RBM19: variants seen among roughly 807,000 people sequenced by gnomAD.
RBM19 encodes RNA binding motif protein 19.
In RBM19, 94 loss-of-function variants were observed where a neutral mutation model predicts 116.8. That is an observed-to-expected ratio of 0.80 (90% CI 0.68 to 0.95). RBM19 has a LOEUF of 0.95. Ranked by LOEUF, RBM19 falls within the 40% of genes least tolerant of loss-of-function variation. RBM19 has a pLI of 0.00. For synonymous variants in RBM19, 475 were observed against 494.1 expected (o/e 0.96, Z 0.51); for missense variants, 1,161 against 1,220.7 (o/e 0.95, Z 0.73).
intron 23 of RBM19, among the ~76,000 whole-genome samples, chr12:113,826,224 T>C (rs1048685701): frequency 5.9e-5 from 9 of 152,214 alleles, no homozygotes; most frequent in African/African-American, 2.2e-4. Flanking sequence ...TCCTGTCCAC[T>C]TCCCCCACAG....
At chr12:113,915,176 C>G in intron 20 of RBM19, 91 bp from the exon 21 acceptor site, 1 of 1,059,282 alleles carries the variant, frequency 9.4e-7, no homozygotes, top group South Asian at 1.3e-5. Flanking sequence ...TCAGAATATT[C>G]AGGTGATGGA....
chr12:113,818,793 TCCC>T (rs1874230192), downstream of RBM19, among the ~76,000 whole-genome samples: 1 of 152,096 alleles, frequency 6.6e-6, no homozygotes, highest in Non-Finnish European at 1.5e-5. Flanking sequence ...CCTCCTCCCG[TCCC>T]CACTGTCTCT....
chr12:113,928,305 C>T (rs1869291419), intron 16 of RBM19, among the ~76,000 whole-genome samples: 1 of 151,968 alleles, frequency 6.6e-6, no homozygotes, highest in South Asian at 2.1e-4. Flanking sequence ...CCACTGCACT[C>T]CAGCCTGGGT....
At chr12:113,892,344 T>C (rs1002753024) in intron 21 of RBM19, among the ~76,000 whole-genome samples, 3 of 152,052 alleles carry the variant, frequency 2.0e-5, no homozygotes, top group Non-Finnish European at 2.9e-5. Flanking sequence ...TCCAGAGGCA[T>C]AGGAAAAAAT....
chr12:113,952,385 A>G (rs1871543895), intron 8 of RBM19, 127 bp downstream of exon 8: 1 of 826,366 alleles, frequency 1.2e-6, no homozygotes, highest in African/African-American at 1.7e-5. Flanking sequence ...GACCACATCC[A>G]CACAACTGAG....
rs561043371 is a variant in RBM19 at position 113,894,908 on chromosome 12, G to A, written c.2558+20061C>T. Among the ~76,000 whole-genome samples the A allele has an allele frequency of 2.0e-5, 3 of 152,258 alleles. No homozygotes were observed. The East Asian group carries it at 5.8e-4, about 30-fold the overall frequency. ...TGCCTGACCATTTTGATATTGGACA[G>A]GGGCTGTCCTTCACCTGAGCAAAGC... On this transcript the variant is annotated intron_variant, in intron 21 of 23. Coordinates refer to ENST00000261741, the MANE Select transcript of RBM19 (RefSeq NM_016196.4).
At chr12:113,927,758 A>G (rs1032218292) in intron 16 of RBM19, among the ~76,000 whole-genome samples, 13 of 152,170 alleles carry the variant, frequency 8.5e-5, no homozygotes, top group African/African-American at 3.1e-4. Flanking sequence ...CCTCATATGC[A>G]TTACTTCAGG....
Position 113,920,626 on chromosome 12 carries a change from AG to A in RBM19, c.2369del (p.Ala790ValfsTer17). The A allele has an allele frequency of 1.2e-6, 2 of 1,614,022 alleles. No individual in the cohort carries two copies. The highest frequency in any genetic ancestry group is 1.7e-6 in the Non-Finnish European group (2 of 1,179,958). On this transcript the variant is annotated frameshift_variant, in exon 19 of 24. Transcript: ENST00000261741. LOFTEE classifies it high-confidence loss of function. ...TTCACTTTACCTGGAGCTGCTTGAG[AG>A]CTTTCTGGGCTTGCTCCGGCTTCCT... is the stretch of plus-strand genomic sequence containing the variant. ...EYRKPEQAQK[A>X]LKQLQGHVVD... is the part of the protein sequence containing the mutation.
chr12:113,862,304 A>G (rs1004558056), intron 21 of RBM19, among the ~76,000 whole-genome samples: 3 of 152,270 alleles, frequency 2.0e-5, no homozygotes, highest in East Asian at 3.9e-4. Flanking sequence ...GGAACTCAAA[A>G]TCGAGGCGAG....
At chr12:113,910,955 C>A (rs184960335) in intron 21 of RBM19, among the ~76,000 whole-genome samples, 1 of 152,102 alleles carries the variant, frequency 6.6e-6, no homozygotes, top group East Asian at 1.9e-4. Flanking sequence ...CTGCCCTGGG[C>A]ACTTCCTGGT....
chr12:113,872,573 G>A (rs1409942900), intron 21 of RBM19, among the ~76,000 whole-genome samples: 2 of 123,800 alleles, frequency 1.6e-5, no homozygotes, highest in Non-Finnish European at 3.6e-5. Flanking sequence ...GGGAGGTGGG[G>A]GGGGGTCAGC....
intron 6 of RBM19, among the ~76,000 whole-genome samples, chr12:113,957,358 T>C (rs1056824481): frequency 1.3e-5 from 2 of 152,090 alleles, no homozygotes; most frequent in Non-Finnish European, 2.9e-5. Flanking sequence ...AGTGGATCAC[T>C]TGAGGTCAGG....
At chr12:113,889,117 C>T (rs1880756450) in intron 21 of RBM19, among the ~76,000 whole-genome samples, 1 of 152,108 alleles carries the variant, frequency 6.6e-6, no homozygotes, top group South Asian at 2.1e-4. Flanking sequence ...TCCCTCTGGT[C>T]CTTTCCCTAC....
chr12:113,959,236 C>T lies in RBM19; in HGVS notation c.547G>A (p.Glu183Lys), dbSNP rs1414361544. The change falls in exon 5 of 24, where the codon GAG (glutamate) becomes AAG (lysine). Residue 183 changes from glutamate (E) to lysine (K), a missense_variant. By Grantham distance (56) the Glu-to-Lys change is moderately conservative. Transcript: ENST00000261741. ...CCTTCCAGGTCCTCCCCGGCTCCCT[C>T]CTCCTCACTCTCCTGCCCAGAATCG... The part of the protein sequence containing the change: ...DSDSGQESEE[E>K]GAGEDLEEEA... The T allele has an allele frequency of 3.3e-5, 53 of 1,612,368 alleles. No individual in the cohort carries two copies. The highest frequency in any genetic ancestry group is 4.5e-5 in the Non-Finnish European group (53 of 1,179,490).
rs1333496128 is a variant in RBM19, at chr12:113,872,510, G to A, written c.2559-13614C>T. On this transcript the variant is annotated intron_variant, in intron 21 of 23. Transcript: ENST00000261741. ...CTCTGCCCGGCCAGCCGCCCCATCC[G>A]GGAGGGAGGTGGGGGTGTCGGCCCC... Among the ~76,000 whole-genome samples, 24 of 128,848 alleles carry A rather than the reference G, an allele frequency of 1.9e-4. 2 individuals carry two copies. Among genetic ancestry groups the A allele is most frequent in the East Asian group, 3.9e-4 (1 of 2,570 alleles). 84.5% of individuals were successfully genotyped at this position (128,848 alleles called of 152,430 possible).
chr12:113,923,966 C>T (rs1438335824), intron 18 of RBM19, among the ~76,000 whole-genome samples: 1 of 152,234 alleles, frequency 6.6e-6, no homozygotes, highest in East Asian at 1.9e-4. Context: ...ACTTTGCATG[C>T]AGTAGGTGCT....
downstream of RBM19, chr12:113,817,271 G>A (rs1330232061): frequency 6.6e-6 from 1 of 152,322 alleles, no homozygotes; most frequent in African/African-American, 2.4e-5. Context: ...GGGAAGGCCA[G>A]TGTGGAGGCA....
At chr12:113,928,142 G>A (rs1055806121) in intron 16 of RBM19, among the ~76,000 whole-genome samples, 1 of 152,098 alleles carries the variant, frequency 6.6e-6, no homozygotes, top group African/African-American at 2.4e-5. Context: ...TTCAAGACTA[G>A]CCTGGCCAAT....
chr12:113,945,419 C>A (rs1254385559), intron 13 of RBM19, among the ~76,000 whole-genome samples: 1 of 152,144 alleles, frequency 6.6e-6, no homozygotes, highest in Non-Finnish European at 1.5e-5. Flanking sequence ...TGGTGTCCTC[C>A]CACCTCCACC....
Sources: gnomAD v4.1 joint callset for allele counts (sites outside exome capture counted in the v4.1 genomes callset) on GRCh38, gnomAD v4.1.1 for gene constraint, MANE v1.5 for transcripts, NCBI Gene and HGNC (gene_info 2026-07-23, HGNC 2026-07-21) for gene names.